EPHA5: variants seen among roughly 807,000 people sequenced by gnomAD.
EPHA5 encodes the protein EPH receptor A5.
Under a neutral mutation model 105.0 loss-of-function variants are expected in EPHA5, and 60 were observed. The observed-to-expected ratio is 0.57, with a 90% CI of 0.46 to 0.71. The LOEUF is 0.71. Ranked by LOEUF, EPHA5 falls within the 30% of genes least tolerant of loss-of-function variation. The probability of loss-of-function intolerance (pLI) is 0.00; values close to 1 mark genes in which losing one functional copy is unlikely to be tolerated. For synonymous variants in EPHA5, 513 were observed against 449.1 expected (o/e 1.14, Z -1.80); for missense variants, 1,218 against 1,274.7 (o/e 0.96, Z 0.68).
chr4:65,410,418 A>G (rs570718857), intron 7 of EPHA5, among the ~76,000 whole-genome samples: 8 of 152,284 alleles, frequency 5.3e-5, no homozygotes, highest in Admixed American at 4.6e-4. Flanking sequence ...GTGATAACAC[A>G]TTTGTTCTTA....
chr4:65,349,544 T>C (rs1162167448), intron 13 of EPHA5, among the ~76,000 whole-genome samples: 2 of 152,168 alleles, frequency 1.3e-5, no homozygotes, highest in Admixed American at 6.6e-5. Flanking sequence ...CCTTCCCATT[T>C]TGCAGGAAGG....
chr4:65,413,118 C>A (rs1048665267), intron 7 of EPHA5, among the ~76,000 whole-genome samples: 4 of 151,978 alleles, frequency 2.6e-5, no homozygotes, highest in Non-Finnish European at 5.9e-5. Context: ...CAATCCATTA[C>A]TAATATTACG....
chr4:65,538,009 C>A (rs1435625071), intron 3 of EPHA5, among the ~76,000 whole-genome samples: 1 of 151,678 alleles, frequency 6.6e-6, no homozygotes, highest in African/African-American at 2.4e-5. Context: ...TAATACTTTT[C>A]TCATTTTAGA....
intron 3 of EPHA5, among the ~76,000 whole-genome samples, chr4:65,599,029 T>C (rs1272570054): frequency 1.3e-5 from 2 of 152,024 alleles, no homozygotes; most frequent in Admixed American, 6.6e-5. Flanking sequence ...ATAGGTGATA[T>C]ATTCATATAG....
rs546915609 is a variant in EPHA5 at position 65,419,104 on chromosome 4, C to T, written c.1527+1337G>A. ...TTCACTACGTTGGGCAGGCTGGTCT[C>T]GAACTACTGACCTCAGGCGACCACC... is the stretch of plus-strand genomic sequence containing the variant. On this transcript the variant is annotated intron_variant, in intron 6 of 16. Transcript: ENST00000613740. Among the ~76,000 whole-genome samples the T allele has an allele frequency of 3.3e-5, 5 of 151,690 alleles. No individual in the cohort carries two copies. The East Asian group carries it at 9.8e-4, about 30-fold the overall frequency.
chr4:65,375,112 G>A (rs62314066), intron 8 of EPHA5, among the ~76,000 whole-genome samples: 16,990 of 151,632 alleles, frequency 0.11, 1,114 homozygotes, highest in Middle Eastern at 0.18. Flanking sequence ...TAAAAATTTT[G>A]GAGAACTTTT....
At chr4:65,464,086 AAAG>A (rs1358913403) in intron 5 of EPHA5, among the ~76,000 whole-genome samples, 7 of 151,924 alleles carry the variant, frequency 4.6e-5, no homozygotes, top group Non-Finnish European at 7.4e-5. Context: ...TCATCCATTC[AAAG>A]AAGAACAAAA....
intron 5 of EPHA5, among the ~76,000 whole-genome samples, chr4:65,433,404 T>C (rs1338485753): frequency 1.3e-5 from 2 of 152,224 alleles, no homozygotes; most frequent in Non-Finnish European, 2.9e-5. Flanking sequence ...GGATATTCGC[T>C]TAGAATGCAT....
At chr4:65,484,891 T>A (rs906223002) in intron 5 of EPHA5, among the ~76,000 whole-genome samples, 4 of 152,070 alleles carry the variant, frequency 2.6e-5, no homozygotes, top group African/African-American at 9.7e-5. Context: ...AGTTGCTATG[T>A]CTCTATCTGT....
At chr4:65,580,433 T>A (rs1158273016) in intron 3 of EPHA5, among the ~76,000 whole-genome samples, 1 of 151,828 alleles carries the variant, frequency 6.6e-6, no homozygotes. Flanking sequence ...AAAATTAAAA[T>A]ATAAAATGCA....
intron 3 of EPHA5, among the ~76,000 whole-genome samples, chr4:65,530,433 T>C (rs1170736781): frequency 1.4e-5 from 2 of 144,260 alleles, no homozygotes; most frequent in African/African-American, 5.1e-5. Context: ...TGTGTGTGTG[T>C]GCGTGTTTAT....
chr4:65,514,633 A>G (rs940353371), intron 3 of EPHA5, among the ~76,000 whole-genome samples: 4 of 152,202 alleles, frequency 2.6e-5, no homozygotes, highest in Admixed American at 6.6e-5. Flanking sequence ...TTTGTAATCA[A>G]AATTACTGAG....
intron 11 of EPHA5, among the ~76,000 whole-genome samples, chr4:65,361,001 CAATTACT>C: frequency 6.6e-6 from 1 of 151,592 alleles, no homozygotes; most frequent in Non-Finnish European, 1.5e-5. Flanking sequence ...GGTATTTAGA[CAATTACT>C]TCTGACTGAG....
chr4:65,550,543 G>T (rs565671218), intron 3 of EPHA5, among the ~76,000 whole-genome samples: 15 of 152,130 alleles, frequency 9.9e-5, no homozygotes, highest in African/African-American at 3.6e-4. Context: ...TTTATTAAAA[G>T]AAACAACTAC....
At chr4:65,647,186 G>A (rs1360553424) in intron 1 of EPHA5, among the ~76,000 whole-genome samples, 10 of 151,872 alleles carry the variant, frequency 6.6e-5, no homozygotes, top group East Asian at 1.9e-4. Context: ...AAAATTAGCC[G>A]GGTGTGGTGG....
chr4:65,467,321 A>C (rs1288096870), intron 5 of EPHA5, among the ~76,000 whole-genome samples: 2 of 152,136 alleles, frequency 1.3e-5, no homozygotes, highest in Non-Finnish European at 2.9e-5. Flanking sequence ...TTTATTGCAA[A>C]ACTGGCCCCA....
chr4:65,326,053 T>TG (rs1491169718), intron 16 of EPHA5, among the ~76,000 whole-genome samples: 5 of 148,214 alleles, frequency 3.4e-5, no homozygotes, highest in Non-Finnish European at 7.5e-5. Context: ...TATATATATG[T>TG]ATATATATAT....
intron 6 of EPHA5, among the ~76,000 whole-genome samples, chr4:65,418,738 C>A (rs557904482): frequency 5.3e-5 from 8 of 151,942 alleles, no homozygotes; most frequent in African/African-American, 1.9e-4. Context: ...CATCCCTCCC[C>A]ATTGTTTTAT....
chr4:65,421,108 A>T (rs1454197757), intron 5 of EPHA5, among the ~76,000 whole-genome samples: 1 of 152,100 alleles, frequency 6.6e-6, no homozygotes, highest in South Asian at 2.1e-4. Context: ...AATAAAATAA[A>T]CTTTTTTTAT....
Sources: gnomAD v4.1 joint callset for allele counts (sites outside exome capture counted in the v4.1 genomes callset) on GRCh38, gnomAD v4.1.1 for gene constraint, MANE v1.5 for transcripts, NCBI Gene and HGNC (gene_info 2026-07-23, HGNC 2026-07-21) for gene names.